CDH10: variants seen among roughly 807,000 people sequenced by gnomAD.
The protein encoded by CDH10 is cadherin 10, also known as cadherin-10.
In CDH10, 30 loss-of-function variants were observed where a neutral mutation model predicts 73.1. That is an observed-to-expected ratio of 0.41 (90% CI 0.31 to 0.56). CDH10 has a LOEUF of 0.56. CDH10 is among the 20% of genes least tolerant of loss of function. CDH10 has a pLI of 0.27. For synonymous variants in CDH10, 345 were observed against 348.2 expected, an observed-to-expected ratio of 0.99 and a Z score of 0.10; for missense variants, 815 against 973.7, an observed-to-expected ratio of 0.84 and a Z score of 2.17.
chr5:24,501,188 C>G (rs1473234491), intron 8 of CDH10, among the ~76,000 whole-genome samples: 1 of 152,138 alleles, frequency 6.6e-6, no homozygotes, highest in African/African-American at 2.4e-5. Flanking sequence ...GGTAACAATT[C>G]ACTTTCTAAT....
chr5:24,590,247 T>C (rs1746154110), intron 2 of CDH10, among the ~76,000 whole-genome samples: 1 of 151,946 alleles, frequency 6.6e-6, no homozygotes, highest in African/African-American at 2.4e-5. Context: ...GCCAATGGGC[T>C]TTATTACTCT....
At chr5:24,501,309 G>C (rs925081617) in intron 8 of CDH10, among the ~76,000 whole-genome samples, 8 of 152,080 alleles carry the variant, frequency 5.3e-5, no homozygotes, top group Non-Finnish European at 1.0e-4. Flanking sequence ...ATAATTCAAG[G>C]CTCTTAAAAT....
chr5:24,608,863 A>G (rs956494360), intron 1 of CDH10, among the ~76,000 whole-genome samples: 11 of 152,202 alleles, frequency 7.2e-5, no homozygotes, highest in African/African-American at 2.7e-4. Context: ...AATAAGCTGC[A>G]ATTTCAAAGT....
At chr5:24,512,665 C>G (rs1254636575) in intron 5 of CDH10, among the ~76,000 whole-genome samples, 1 of 152,142 alleles carries the variant, frequency 6.6e-6, no homozygotes, top group East Asian at 1.9e-4. Context: ...TTTGGTGTAC[C>G]TAGATGTGCT....
At chr5:24,498,574 T>C (rs775242331) in intron 8 of CDH10, 55 bp from the exon 9 acceptor site, 9 of 1,250,594 alleles carry the variant, frequency 7.2e-6, no homozygotes, top group Non-Finnish European at 1.1e-5. Context: ...GCATCAAATT[T>C]AATTTATATA....
intron 2 of CDH10, among the ~76,000 whole-genome samples, chr5:24,547,781 G>C (rs1248127609): frequency 6.6e-6 from 1 of 152,108 alleles, no homozygotes; most frequent in Non-Finnish European, 1.5e-5. Flanking sequence ...TTTAACCTAA[G>C]GGCATTCAAC....
At chr5:24,640,485 T>C (rs188630862) in intron 1 of CDH10, among the ~76,000 whole-genome samples, 1 of 151,788 alleles carries the variant, frequency 6.6e-6, no homozygotes, top group Admixed American at 6.6e-5. Context: ...TAACTTTAAT[T>C]TATATCATCA....
Position 24,488,146 on chromosome 5 carries a change from T to G in CDH10, c.1884A>C (p.Val628=). ...GTCTTTTCAGAGCTGCAAACAGTAC[T>G]ACTATAACTTGAAAAAAGACAAGAA... ...LLCIIILLVI[V]VLFAALKRQR... Residue 628 remains valine (V), a synonymous_variant, in exon 12 of 12, where the codon GTA becomes GTC. Coordinates refer to ENST00000264463, the MANE Select transcript of CDH10 (RefSeq NM_006727.5). 1 of 1,596,182 alleles carries G rather than the reference T, an allele frequency of 6.3e-7. No homozygotes were observed.
At chr5:24,604,888 A>AC (rs1746700069) in intron 1 of CDH10, among the ~76,000 whole-genome samples, 11 of 150,274 alleles carry the variant, frequency 7.3e-5, no homozygotes, top group African/African-American at 2.8e-4. Flanking sequence ...AAAAAAAAAA[A>AC]AAAAAAACAA....
Position 24,519,928 on chromosome 5 carries a change from G to T in CDH10, c.815-8414C>A, listed in dbSNP as rs558836523. On this transcript the variant is annotated intron_variant, in intron 5 of 11. Transcript: ENST00000264463. Reference sequence around the variant, plus strand: ...CTTGCTGCTTCTGCTACTGGAATTTGCTAGAAAGTCTTGGTGCCCCCCAGC... The same window carrying T: ...CTTGCTGCTTCTGCTACTGGAATTTTCTAGAAAGTCTTGGTGCCCCCCAGC... 5.9e-5 allele frequency among the ~76,000 whole-genome samples: 9 copies of T among 152,260 alleles called. No homozygotes were observed. The South Asian group carries it at 1.7e-3, about 28-fold the overall frequency.
rs2111598952 is a variant in CDH10 at position 24,487,703 on chromosome 5, G to T, written c.2327C>A (p.Ala776Glu). ...REWGPRFNKL[A>E]EMYGGGESDK... ...ACTTTCCCCACCACCATACATTTCT[G>T]CTAGCTTATTAAACCGAGGGCCCCA... Residue 776 changes from alanine to glutamate, a missense_variant, in exon 12 of 12, where the codon GCA (alanine) becomes GAA (glutamate). Physicochemically the swap from Ala to Glu is moderately radical, Grantham distance 107. This residue lies in a region of CDH10 where 241 missense variants were observed against 240.3 expected (regional missense o/e 1.00). Coordinates refer to ENST00000264463, the MANE Select transcript of CDH10 (RefSeq NM_006727.5). 6.2e-7 allele frequency: 1 copy of T among 1,613,006 alleles called. No individual in the cohort carries two copies. The highest frequency in any genetic ancestry group is 8.5e-7 in the Non-Finnish European group (1 of 1,179,534).
intron 1 of CDH10, among the ~76,000 whole-genome samples, chr5:24,615,523 T>C (rs1377779184): frequency 1.3e-5 from 2 of 152,216 alleles, no homozygotes; most frequent in Non-Finnish European, 2.9e-5. Flanking sequence ...GCTTAGTATA[T>C]TGTAGGTATG....
chr5:24,559,163 A>G (rs1394718630), intron 2 of CDH10, among the ~76,000 whole-genome samples: 1 of 151,936 alleles, frequency 6.6e-6, no homozygotes, highest in African/African-American at 2.4e-5. Flanking sequence ...TATTATAGGA[A>G]TTATTTTTGT....
At chr5:24,597,851 G>A (rs757744339) in intron 1 of CDH10, among the ~76,000 whole-genome samples, 1 of 151,770 alleles carries the variant, frequency 6.6e-6, no homozygotes, top group Non-Finnish European at 1.5e-5. Context: ...GATCAATTAA[G>A]CTACAATCTA....
chr5:24,559,482 A>G (rs1389980918), intron 2 of CDH10, among the ~76,000 whole-genome samples: 1 of 152,052 alleles, frequency 6.6e-6, no homozygotes, highest in African/African-American at 2.4e-5. Flanking sequence ...ACTTCCTTCA[A>G]ACATTTCACT....
chr5:24,526,867 T>C (rs1394509055), intron 5 of CDH10, among the ~76,000 whole-genome samples: 1 of 151,766 alleles, frequency 6.6e-6, no homozygotes, highest in Admixed American at 6.6e-5. Context: ...ACGTCTTATC[T>C]CATAATCTCA....
intron 8 of CDH10, among the ~76,000 whole-genome samples, chr5:24,502,691 C>G (rs1742542767): frequency 6.6e-6 from 1 of 152,080 alleles, no homozygotes; most frequent in Non-Finnish European, 1.5e-5. Flanking sequence ...CTTCAACTAG[C>G]TTTAGAAGTT....
At chr5:24,488,793 C>T (rs1287011018) in intron 11 of CDH10, among the ~76,000 whole-genome samples, 1 of 36,138 alleles carries the variant, frequency 2.8e-5, no homozygotes, top group East Asian at 6.4e-4. Flanking sequence ...TGCATGAGAC[C>T]CCCCCCCCAA....
At chr5:24,491,349 T>G (rs1450444743) in intron 11 of CDH10, among the ~76,000 whole-genome samples, 1 of 144,566 alleles carries the variant, frequency 6.9e-6, no homozygotes, top group East Asian at 2.0e-4. Flanking sequence ...GAATGAATTC[T>G]AGGCCCCATT....
Sources: gnomAD v4.1 joint callset for allele counts (sites outside exome capture counted in the v4.1 genomes callset) on GRCh38, gnomAD v4.1.1 for gene constraint, gnomAD v4.1.1 regional missense constraint, MANE v1.5 for transcripts, NCBI Gene and HGNC (gene_info 2026-07-23, HGNC 2026-07-21) for gene names.